Variants in ZNF638 observed in about 807,000 individuals in gnomAD.
The protein encoded by ZNF638 is CTCL tumor antigen se33-1.
In ZNF638, 46 loss-of-function variants were observed where a neutral mutation model predicts 195.6. The observed-to-expected ratio is 0.24, with a 90% confidence interval of 0.19 to 0.30. The LOEUF is 0.30. ZNF638 is among the 10% of genes least tolerant of loss of function. The pLI is 1.00. For synonymous variants in ZNF638, 845 were observed against 772.0 expected (o/e 1.09, Z -1.57); for missense variants, 2,440 against 2,325.3 (o/e 1.05, Z -1.01).
At chr2:71,398,864 GT>G in intron 12 of ZNF638, 92 bp downstream of exon 12, 1 of 1,122,710 alleles carries the variant, frequency 8.9e-7, no homozygotes. Context: ...TACTTGAAGA[GT>G]TTAGTAGATA....
chr2:71,392,380 C>T (rs986847634), intron 10 of ZNF638, among the ~76,000 whole-genome samples: 1 of 152,192 alleles, frequency 6.6e-6, no homozygotes, highest in African/African-American at 2.4e-5. Flanking sequence ...GGATTTACTA[C>T]CGCTCAGGGA....
chr2:71,350,298 G>A (rs758653697), intron 2 of ZNF638, 27 bp downstream of exon 2: 11 of 1,579,266 alleles, frequency 7.0e-6, no homozygotes, highest in Non-Finnish European at 9.4e-6. Flanking sequence ...AAAGATCACT[G>A]TATAATGATG....
At position 71,427,086 on chromosome 2, in the gene ZNF638, A is replaced by G; in HGVS notation, c.5217A>G (p.Ile1739Met). The change falls in exon 24 of 28, where the codon ATA (isoleucine) becomes ATG (methionine). Residue 1739 changes from isoleucine (I) to methionine (M), a missense_variant. By Grantham distance (10) the Ile-to-Met change is conservative (BLOSUM62 1). This residue lies in a region of ZNF638 where 1,883 missense variants were observed against 1,739.1 expected (regional missense o/e 1.08). Coordinates refer to ENST00000264447, the MANE Select transcript of ZNF638 (RefSeq NM_014497.5). ...CTACTTTAGTTACTGTAGATGAAAT[A>G]CAAGATGACAGCAGTGATTTGCATT... ...DPSTLVTVDE[I>M]QDDSSDLHLV... 2 of 1,614,218 alleles carry G rather than the reference A, an allele frequency of 1.2e-6. No individual in the cohort carries two copies. The highest frequency in any genetic ancestry group is 2.2e-5 in the South Asian group (2 of 91,086).
intron 21 of ZNF638, among the ~76,000 whole-genome samples, chr2:71,419,600 A>G (rs1033197476): frequency 6.6e-6 from 1 of 152,238 alleles, no homozygotes; most frequent in Non-Finnish European, 1.5e-5. Context: ...GCACAGGGTT[A>G]TTTAAGTTGT....
At chr2:71,382,557 T>A (rs1010157045) in intron 10 of ZNF638, among the ~76,000 whole-genome samples, 7 of 152,272 alleles carry the variant, frequency 4.6e-5, no homozygotes, top group Non-Finnish European at 8.8e-5. Flanking sequence ...AATGGAAACA[T>A]TCGAGCTCTT....
At chr2:71,360,839 T>C (rs2079097060) in intron 3 of ZNF638, among the ~76,000 whole-genome samples, 1 of 152,202 alleles carries the variant, frequency 6.6e-6, no homozygotes, top group South Asian at 2.1e-4. Context: ...GGGAGCGTTA[T>C]TGCTTCTGAA....
intron 2 of ZNF638, among the ~76,000 whole-genome samples, chr2:71,354,225 T>C (rs2078986552): frequency 6.6e-6 from 1 of 152,212 alleles, no homozygotes; most frequent in Non-Finnish European, 1.5e-5. Context: ...TACGAAGTTA[T>C]TTAGTAAGTT....
At chr2:71,385,923 A>G (rs2079627955) in intron 10 of ZNF638, among the ~76,000 whole-genome samples, 2 of 152,184 alleles carry the variant, frequency 1.3e-5, no homozygotes, top group African/African-American at 2.4e-5. Context: ...AGTGTCTGCG[A>G]GCACTTTGAA....
At chr2:71,405,913 A>G (rs1042603995) in intron 18 of ZNF638, among the ~76,000 whole-genome samples, 2 of 152,150 alleles carry the variant, frequency 1.3e-5, no homozygotes, top group African/African-American at 4.8e-5. Context: ...CGTTATGTTG[A>G]TAGTAGAAAT....
At chr2:71,399,204 C>T (rs2079956760) in intron 12 of ZNF638, among the ~76,000 whole-genome samples, 1 of 151,968 alleles carries the variant, frequency 6.6e-6, no homozygotes, top group Non-Finnish European at 1.5e-5. Flanking sequence ...AAATTTAGCA[C>T]CTTGCAACTA....
chr2:71,338,491 A>G (rs2078709764), intron 1 of ZNF638, among the ~76,000 whole-genome samples: 1 of 152,154 alleles, frequency 6.6e-6, no homozygotes, highest in Non-Finnish European at 1.5e-5. Context: ...TAGCACCATC[A>G]AAACATTTAC....
intron 19 of ZNF638, among the ~76,000 whole-genome samples, chr2:71,406,986 C>T (rs774495513): frequency 1.3e-5 from 2 of 152,104 alleles, no homozygotes; most frequent in African/African-American, 2.4e-5. Context: ...GGTAACATAG[C>T]GAGACCCTGT....
In ZNF638 at chr2:71,364,021, T is replaced by C. The variant is rs780862685; in HGVS notation, c.1486T>C (p.Ser496Pro). The change falls in exon 5 of 28, where the codon TCT (serine) becomes CCT (proline). Residue 496 changes from serine (S) to proline (P), a missense_variant. Transcript: ENST00000264447. ...TTCTCATTCCCCCAGTCCTAGGCGTTCTAGAAGATCAAGCTCAAGTCACAG... is the reference window on the plus strand; with the variant it reads ...TTCTCATTCCCCCAGTCCTAGGCGTCCTAGAAGATCAAGCTCAAGTCACAG... ...RRSHSPSPRR[S>P]RRSSSSHRFR... The C allele has an allele frequency of 1.1e-5, 18 of 1,614,104 alleles. No individual in the cohort carries two copies. The highest frequency in any genetic ancestry group is 3.3e-4 in the Middle Eastern group (2 of 6,084).
At position 71,385,394 on chromosome 2, in the gene ZNF638, C is replaced by A. The variant is rs546039755; in HGVS notation, c.2377+4829C>A. ...AACTGGAAACAACCCAAATGTTCTT[C>A]AGTGGATGAATGGCTATTTTAAAAA... On this transcript the variant is annotated intron_variant, in intron 10 of 27. Coordinates refer to ENST00000264447, the MANE Select transcript of ZNF638 (RefSeq NM_014497.5). 5.9e-5 allele frequency among the ~76,000 whole-genome samples: 9 copies of A among 152,234 alleles called. No homozygotes were observed. The East Asian group carries it at 1.7e-3, about 29-fold the overall frequency.
rs1230315125 is a variant in ZNF638, at chr2:71,364,051, C to T, written c.1516C>T (p.Arg506Cys). The change falls in exon 5 of 28, where the codon CGT becomes TGT. Residue 506 changes from arginine (R) to cysteine (C), a missense_variant. By Grantham distance (180) the Arg-to-Cys change is radical. Transcript: ENST00000264447. ...SRRSSSSHRFRRSRSPMHYMY... is the reference protein window; with the variant it reads ...SRRSSSSHRFCRSRSPMHYMY... ...AAGATCAAGCTCAAGTCACAGATTC[C>T]GTCGGTCTCGAAGCCCAATGCATTA... 6.2e-6 allele frequency: 10 copies of T among 1,614,156 alleles called. No individual in the cohort carries two copies. Among genetic ancestry groups the T allele is most frequent in the East Asian group, 4.5e-5 (2 of 44,872 alleles).
chr2:71,333,198 A>T (rs1401492644), intron 1 of ZNF638: 1 of 152,248 alleles, frequency 6.6e-6, no homozygotes, highest in South Asian at 2.1e-4. Context: ...CTTTTAAAAA[A>T]GTTTGACAGC....
chr2:71,348,607 A>G (rs1405311096), intron 1 of ZNF638, 146 bp from the exon 2 acceptor site: 2 of 1,210,504 alleles, frequency 1.7e-6, no homozygotes, highest in Non-Finnish European at 2.1e-6. Flanking sequence ...GGGAAATTTA[A>G]ATCTTCGTAA....
chr2:71,426,439 T>A (rs1291432676), intron 23 of ZNF638, 21 bp from the exon 24 acceptor site: 1 of 1,528,718 alleles, frequency 6.5e-7, no homozygotes, highest in East Asian at 2.3e-5. Context: ...TACAATACTA[T>A]GATTTTTAAC....
At position 71,423,201 on chromosome 2, in the gene ZNF638, G is replaced by C; in HGVS notation, c.3687G>C (p.Val1229=). ...CAGCATTGTTACCATCTGACAGTGTGTTTGCAGAAGAAAGGAACCTCAAAG... is the reference window on the plus strand; with the variant it reads ...CAGCATTGTTACCATCTGACAGTGTCTTTGCAGAAGAAAGGAACCTCAAAG... ...PKTALLPSDS[V]FAEERNLKGI... Residue 1229 remains valine (V), a synonymous_variant, in exon 22 of 28, where the codon GTG becomes GTC. Transcript: ENST00000264447. 1.2e-6 allele frequency: 2 copies of C among 1,614,122 alleles called. No individual in the cohort carries two copies. Among genetic ancestry groups the C allele is most frequent in the Non-Finnish European group, 1.7e-6 (2 of 1,179,988 alleles).
Sources: gnomAD v4.1 joint callset for allele counts (sites outside exome capture counted in the v4.1 genomes callset) on GRCh38, gnomAD v4.1.1 for gene constraint, gnomAD v4.1.1 regional missense constraint, MANE v1.5 for transcripts, NCBI Gene and HGNC (gene_info 2026-07-23, HGNC 2026-07-21) for gene names.